The following DNAH8 variants were observed in gnomAD, a reference collection of about 807,000 sequenced individuals.
DNAH8 encodes dynein axonemal heavy chain 8.
In DNAH8, 382 loss-of-function variants were observed where a neutral mutation model predicts 562.1. The ratio of observed to expected loss-of-function variants is 0.68; its 90% CI spans 0.63 to 0.74. The LOEUF (loss-of-function observed/expected upper bound fraction) is 0.74, where lower values mean the gene tolerates loss of function less well. Among genes scored for constraint, DNAH8 ranks in the 30% least tolerant of loss-of-function variants. The probability of loss-of-function intolerance (pLI) is 0.00; values close to 1 mark genes in which losing one functional copy is unlikely to be tolerated. For synonymous variants in DNAH8, 1,881 were observed against 1,919.4 expected (o/e 0.98, Z 0.52); for missense variants, 5,203 against 5,620.4 (o/e 0.93, Z 2.37).
rs149346568 is a variant in DNAH8 at position 38,901,224 on chromosome 6, C to G, written c.9194+1318C>G. 1.9e-3 allele frequency among the ~76,000 whole-genome samples: 283 copies of G among 151,950 alleles called. 1 individual carries two copies. The highest frequency in any genetic ancestry group is 3.1e-3 in the Non-Finnish European group (212 of 67,944). ...AAACATTCATTTTTTTCTATTTAGT[C>G]CTTTTTTGTATTATATTTTAAAATC... is the stretch of plus-strand genomic sequence containing the variant. On this transcript the variant is annotated intron_variant, in intron 62 of 92. Coordinates refer to ENST00000327475, the MANE Select transcript of DNAH8 (RefSeq NM_001206927.2).
Position 38,995,059 on chromosome 6 carries a change from C to CTTTTTT in DNAH8, c.13214+4895_13214+4900dup, listed in dbSNP as rs149324423. 2.7e-3 allele frequency among the ~76,000 whole-genome samples: 376 copies of CTTTTTT among 138,740 alleles called. 7 individuals are homozygous for CTTTTTT. The highest frequency in any genetic ancestry group is 0.011 in the Middle Eastern group (3 of 264). 91.0% of individuals were successfully genotyped at this position (138,740 alleles called of 152,430 possible). A position where few individuals can be genotyped will look rare whatever the true frequency, so the allele number is the denominator to read the frequency against. On this transcript the variant is annotated intron_variant, in intron 88 of 92. Transcript: ENST00000327475. ...ATAGTTATAGTCTCCCCTCATTGCT[C>CTTTTTT]TTTTTTTTTTTTTCTGAGCTTGTCC... is the stretch of plus-strand genomic sequence containing the variant.
At chr6:38,951,632 G>T in intron 82 of DNAH8, 112 bp downstream of exon 82, 1 of 913,566 alleles carries the variant, frequency 1.1e-6, no homozygotes. Context: ...AACTGAATTC[G>T]AAAAATATTA....
chr6:38,747,224 T>C (rs1401425349), intron 8 of DNAH8, among the ~76,000 whole-genome samples: 1 of 152,154 alleles, frequency 6.6e-6, no homozygotes, highest in Admixed American at 6.5e-5. Context: ...ATTTTGTATA[T>C]AGAACAGTGA....
At chr6:38,745,147 C>A (rs1047988016) in intron 8 of DNAH8, among the ~76,000 whole-genome samples, 2 of 152,124 alleles carry the variant, frequency 1.3e-5, no homozygotes, top group Admixed American at 6.6e-5. Flanking sequence ...GGATAAATTC[C>A]CCTAAACTCA....
rs114113476 is a variant in DNAH8, at chr6:38,837,430, T to C, written c.4366-512T>C. Among the ~76,000 whole-genome samples, 781 of 152,348 alleles carry C rather than the reference T, an allele frequency of 5.1e-3. 7 individuals carry two copies. Among genetic ancestry groups the C allele is most frequent in the African/African-American group, 0.018 (758 of 41,584 alleles). Reference sequence around the variant, plus strand: ...TCAAATCCCAATTCAAAAGGAAAAATTAAAAGACATGTGCATTAACTTTGG... The same window carrying C: ...TCAAATCCCAATTCAAAAGGAAAAACTAAAAGACATGTGCATTAACTTTGG... On this transcript the variant is annotated intron_variant, in intron 32 of 92. Transcript: ENST00000327475.
intron 10 of DNAH8, among the ~76,000 whole-genome samples, chr6:38,760,945 A>G (rs1409503053): frequency 1.3e-5 from 2 of 152,022 alleles, no homozygotes; most frequent in Non-Finnish European, 2.9e-5. Flanking sequence ...CTTGATAGCA[A>G]TGTAAATGGA....
chr6:38,911,511 T>C lies in DNAH8; in HGVS notation c.9784T>C (p.Phe3262Leu), dbSNP rs2150531006. The C allele has an allele frequency of 6.2e-7, 1 of 1,613,904 alleles. No homozygotes were observed. The highest frequency in any genetic ancestry group is 1.1e-5 in the South Asian group (1 of 91,068). ...TGTGACTCCCAAATCTTACCTCTCA[T>C]TTATAAATGGTTATAAAAACATTTA... ...AHVTPKSYLSFINGYKNIYAE... is the reference protein window; with the variant it reads ...AHVTPKSYLSLINGYKNIYAE... The change falls in exon 66 of 93, where the codon TTT becomes CTT. Residue 3262 changes from phenylalanine to leucine, a missense_variant. Phe to Leu is a conservative substitution (Grantham distance 22). Around this residue, in one of 6 missense-constraint regions of DNAH8, gnomAD observed 977 missense variants for 1,061.8 expected, o/e 0.92. Transcript: ENST00000327475.
At chr6:38,954,089 A>G (rs1038205690) in intron 82 of DNAH8, among the ~76,000 whole-genome samples, 2 of 152,224 alleles carry the variant, frequency 1.3e-5, no homozygotes, top group African/African-American at 2.4e-5. Flanking sequence ...AACTTTGGTT[A>G]TAGATATTGT....
Position 38,842,861 on chromosome 6 carries a change from T to C in DNAH8, c.4803T>C (p.Asn1601=). 2 of 1,613,782 alleles carry C rather than the reference T, an allele frequency of 1.2e-6. No homozygotes were observed. Among genetic ancestry groups the C allele is most frequent in the Non-Finnish European group, 1.7e-6 (2 of 1,179,816 alleles). The part of the protein sequence containing the change: ...DVESDSFCLR[N]IMEAPLLKHK... Reference sequence around the variant, plus strand: ...AATCTGATTCTTTTTGCCTTAGAAATATCATGGAAGCACCACTCCTTAAAC... The same window carrying C: ...AATCTGATTCTTTTTGCCTTAGAAACATCATGGAAGCACCACTCCTTAAAC... Residue 1601 remains asparagine, a synonymous_variant, in exon 35 of 93, where the codon AAT becomes AAC. Coordinates refer to ENST00000327475, the MANE Select transcript of DNAH8 (RefSeq NM_001206927.2).
chr6:38,797,640 CG>C (rs1770400130), intron 21 of DNAH8, among the ~76,000 whole-genome samples: 1 of 152,054 alleles, frequency 6.6e-6, no homozygotes, highest in South Asian at 2.1e-4. Context: ...TTTACTACGC[CG>C]CTGCAAAGTC....
chr6:38,787,857 A>C (rs762339997), intron 18 of DNAH8, among the ~76,000 whole-genome samples: 4 of 152,194 alleles, frequency 2.6e-5, no homozygotes, highest in Non-Finnish European at 5.9e-5. Context: ...GCCAGTTAAA[A>C]CAGCAAGCTG....
intron 9 of DNAH8, among the ~76,000 whole-genome samples, chr6:38,753,784 C>G (rs1481921757): frequency 1.3e-5 from 2 of 152,072 alleles, no homozygotes; most frequent in East Asian, 1.9e-4. Flanking sequence ...TTCAATTACT[C>G]TAACCATGGA....
At chr6:38,787,529 C>G (rs1490957000) in intron 18 of DNAH8, among the ~76,000 whole-genome samples, 1 of 151,690 alleles carries the variant, frequency 6.6e-6, no homozygotes, top group East Asian at 1.9e-4. Flanking sequence ...AGTTCAAGAC[C>G]AGTCTGGCTA....
intron 82 of DNAH8, among the ~76,000 whole-genome samples, chr6:38,964,753 A>C (rs555172056): frequency 1.6e-4 from 24 of 152,286 alleles, no homozygotes; most frequent in African/African-American, 5.8e-4. Flanking sequence ...CATACTGTTG[A>C]AACGTAGAGA....
chr6:38,798,517 A>C (rs959919553), intron 21 of DNAH8, among the ~76,000 whole-genome samples: 1 of 152,148 alleles, frequency 6.6e-6, no homozygotes, highest in South Asian at 2.1e-4. Flanking sequence ...ATGACGTGTT[A>C]TAGAGGTAGT....
Position 38,971,774 on chromosome 6 carries a change from G to C in DNAH8, c.12525+109G>C, listed in dbSNP as rs1763372699. On this transcript the variant is annotated intron_variant, in intron 83 of 92. Coordinates refer to ENST00000327475, the MANE Select transcript of DNAH8 (RefSeq NM_001206927.2). ...GCTCAATCCTGGTTTTTCCATTTTTGTTTATCATTACCTGTGAATTTTAAA... is the reference window on the plus strand; with the variant it reads ...GCTCAATCCTGGTTTTTCCATTTTTCTTTATCATTACCTGTGAATTTTAAA... 3 of 766,076 alleles carry C rather than the reference G, an allele frequency of 3.9e-6. No homozygotes were observed. The East Asian group carries it at 8.9e-5, about 23-fold the overall frequency. 47.5% of individuals were successfully genotyped at this position (766,076 alleles called of 1,614,324 possible).
intron 58 of DNAH8, among the ~76,000 whole-genome samples, chr6:38,891,696 G>A (rs759666233): frequency 2.9e-4 from 44 of 152,222 alleles, no homozygotes; most frequent in Non-Finnish European, 5.0e-4. Flanking sequence ...AGGACTGAGC[G>A]TCTGAGATAG....
chr6:38,837,498 G>A (rs1424989473), intron 32 of DNAH8, among the ~76,000 whole-genome samples: 1 of 152,178 alleles, frequency 6.6e-6, no homozygotes, highest in Non-Finnish European at 1.5e-5. Flanking sequence ...GTTAAAATTG[G>A]ATCTTCTTTT....
intron 17 of DNAH8, 117 bp downstream of exon 17, chr6:38,783,256 A>T (rs1197174903): frequency 2.5e-6 from 2 of 804,084 alleles, no homozygotes. Flanking sequence ...GTTACAATTT[A>T]GATTTAGGGA....
Sources: allele counts gnomAD v4.1 joint callset (sites outside exome capture counted in the v4.1 genomes callset), GRCh38; gene constraint gnomAD v4.1.1; regional missense constraint gnomAD v4.1.1; transcripts MANE v1.5; gene names NCBI Gene and HGNC (gene_info 2026-07-23, HGNC 2026-07-21).